Variants in DYM observed in about 807,000 individuals in gnomAD.
The protein encoded by DYM is dyggve-Melchior-Clausen syndrome protein.
Under a neutral mutation model 93.1 loss-of-function variants are expected in DYM, and 78 were observed. That is an observed-to-expected ratio of 0.84 (90% CI 0.70 to 1.01). The LOEUF (loss-of-function observed/expected upper bound fraction) is 1.01. DYM is among the 50% of genes least tolerant of loss of function. The pLI, the probability that DYM is intolerant of heterozygous loss-of-function variation, is 0.00. For missense variants in DYM, 789 were observed against 845.0 expected (o/e 0.93, Z 0.82); for synonymous variants, 321 against 319.7 (o/e 1.00, Z -0.04).
At chr18:49,272,100 T>A in intron 11 of DYM, 78 bp downstream of exon 11, 2 of 1,303,024 alleles carry the variant, frequency 1.5e-6, no homozygotes, top group South Asian at 2.5e-5. Flanking sequence ...CAGAAAGAAA[T>A]GTAAAGACTA....
At chr18:49,145,758 T>A (rs1012411170) in intron 15 of DYM, among the ~76,000 whole-genome samples, 13 of 152,220 alleles carry the variant, frequency 8.5e-5, no homozygotes, top group Non-Finnish European at 1.9e-4. Flanking sequence ...AAATTCTTAC[T>A]GATGGAGCTG....
rs986865027 is a variant in DYM at position 49,292,524 on chromosome 18, T to C, written c.764-5908A>G. Among the ~76,000 whole-genome samples the C allele has an allele frequency of 2.0e-5, 3 of 150,448 alleles. No individual in the cohort carries two copies. In the Admixed American group the frequency reaches 2.0e-4, roughly 10 times the overall value. Reference sequence around the variant, plus strand: ...GACAAAGATTCTTCCAAAAGTTCCTTTCTCTTTGCTGGTCCAAGCCTCTGA... The same window carrying C: ...GACAAAGATTCTTCCAAAAGTTCCTCTCTCTTTGCTGGTCCAAGCCTCTGA... On this transcript the variant is annotated intron_variant, in intron 8 of 17. Transcript: ENST00000675505.
intron 15 of DYM, among the ~76,000 whole-genome samples, chr18:49,161,333 A>G (rs1045325544): frequency 6.6e-6 from 1 of 152,204 alleles, no homozygotes; most frequent in Non-Finnish European, 1.5e-5. Flanking sequence ...AATATGACCT[A>G]TTTCCTCAAA....
chr18:49,303,942 G>T (rs1276593745), intron 8 of DYM, among the ~76,000 whole-genome samples: 1 of 152,166 alleles, frequency 6.6e-6, no homozygotes, highest in Non-Finnish European at 1.5e-5. Flanking sequence ...TGCAGTGCTT[G>T]TTTGTGCTGC....
intron 3 of DYM, among the ~76,000 whole-genome samples, chr18:49,382,479 G>A (rs1782877985): frequency 6.6e-6 from 1 of 152,170 alleles, no homozygotes; most frequent in East Asian, 1.9e-4. Flanking sequence ...CTCAATGGTA[G>A]AAGAAAAGAA....
At position 49,038,638 on chromosome 18, in the gene DYM, G is replaced by C. The variant is rs1016354690; in HGVS notation, c.*5417C>G. On this transcript the variant is annotated 3_prime_UTR_variant, in exon 18 of 18. Coordinates refer to ENST00000675505, the MANE Select transcript of DYM (RefSeq NM_001353214.3). ...TTGAGCATTAGTCCATTTACATTTA[G>C]TGTAATAATGGATTTATCACAAATA... Among the ~76,000 whole-genome samples, 1 of 152,144 alleles carries C rather than the reference G, an allele frequency of 6.6e-6. No homozygotes were observed. Among genetic ancestry groups the C allele is most frequent in the African/African-American group, 2.4e-5 (1 of 41,434 alleles).
intron 2 of DYM, among the ~76,000 whole-genome samples, chr18:49,392,994 C>CAAAAA (rs756183855): frequency 3.2e-5 from 2 of 61,900 alleles, no homozygotes; most frequent in African/African-American, 1.2e-4. Flanking sequence ...GACTCCATCT[C>CAAAAA]AAAAAAAAAA....
At chr18:49,122,249 T>C (rs952093221) in intron 15 of DYM, among the ~76,000 whole-genome samples, 3 of 152,210 alleles carry the variant, frequency 2.0e-5, no homozygotes, top group Non-Finnish European at 4.4e-5. Context: ...GTAAAGTTAA[T>C]AGATGCCATC....
intron 14 of DYM, chr18:49,206,558 G>A (rs1371202415): frequency 6.6e-6 from 1 of 152,402 alleles, no homozygotes; most frequent in Non-Finnish European, 1.5e-5. Flanking sequence ...CACGGCAAGA[G>A]AAGATGGCGA....
Position 49,044,039 on chromosome 18 carries a change from G to A in DYM, c.*16C>T, listed in dbSNP as rs1262721983. Reference sequence around the variant, plus strand: ...CTGCTTGGCTGGAGGGGTCCGGGTGGGAGAGCATCCTGCCCTCAGTCGGAA... The same window carrying A: ...CTGCTTGGCTGGAGGGGTCCGGGTGAGAGAGCATCCTGCCCTCAGTCGGAA... On this transcript the variant is annotated 3_prime_UTR_variant, in exon 18 of 18. Coordinates refer to ENST00000675505, the MANE Select transcript of DYM (RefSeq NM_001353214.3). 6.8e-6 allele frequency: 11 copies of A among 1,612,612 alleles called. No individual in the cohort carries two copies. The highest frequency in any genetic ancestry group is 9.3e-6 in the Non-Finnish European group (11 of 1,179,936).
At chr18:49,330,470 G>A (rs931606045) in intron 8 of DYM, among the ~76,000 whole-genome samples, 3 of 151,864 alleles carry the variant, frequency 2.0e-5, no homozygotes, top group Non-Finnish European at 2.9e-5. Flanking sequence ...TTGGCACCTG[G>A]CACACTAATG....
chr18:49,288,637 G>C (rs919857433), intron 8 of DYM, among the ~76,000 whole-genome samples: 1 of 152,006 alleles, frequency 6.6e-6, no homozygotes, highest in African/African-American at 2.4e-5. Flanking sequence ...AAATTAGCCA[G>C]GTGTGGTGGT....
chr18:49,124,659 T>A (rs2082659730), intron 15 of DYM, among the ~76,000 whole-genome samples: 1 of 152,248 alleles, frequency 6.6e-6, no homozygotes. Flanking sequence ...TCTTACATTG[T>A]TTCTGTGACA....
chr18:49,111,234 C>A (rs182074562), intron 16 of DYM, among the ~76,000 whole-genome samples: 5 of 151,706 alleles, frequency 3.3e-5, no homozygotes, highest in Admixed American at 3.3e-4. Context: ...AAAAAACATA[C>A]GTATTTCACA....
Position 49,378,578 on chromosome 18 carries a change from G to A in DYM, c.410C>T (p.Pro137Leu), listed in dbSNP as rs771381324. ...QLHFTYEEKS[P>L]GNYSSDSEDL... ...AAAACAATACTTACTGTAATTGCCA[G>A]GAGATTTTTCTTCATAAGTAAAATG... The change falls in exon 5 of 18, where the codon CCT becomes CTT. Residue 137 changes from proline to leucine, a missense_variant. Pro to Leu is a moderately conservative substitution (Grantham distance 98). This residue lies in a region of DYM where 450 missense variants were observed against 436.2 expected (regional missense o/e 1.03). Coordinates refer to ENST00000675505, the MANE Select transcript of DYM (RefSeq NM_001353214.3). 6.2e-7 allele frequency: 1 copy of A among 1,610,692 alleles called. No individual in the cohort carries two copies. Among genetic ancestry groups the A allele is most frequent in the South Asian group, 1.1e-5 (1 of 90,972 alleles).
chr18:49,410,682 G>A (rs1220939550), intron 2 of DYM, among the ~76,000 whole-genome samples: 1 of 151,562 alleles, frequency 6.6e-6, no homozygotes, highest in Non-Finnish European at 1.5e-5. Flanking sequence ...GCATGGTAGA[G>A]TGCCTGTAGT....
chr18:49,234,474 G>T (rs915502738), intron 13 of DYM, among the ~76,000 whole-genome samples: 20 of 152,048 alleles, frequency 1.3e-4, no homozygotes, highest in African/African-American at 4.8e-4. Flanking sequence ...AAGTCACCCA[G>T]TGTCTCACTT....
At chr18:49,411,078 C>A (rs1185184345) in intron 2 of DYM, among the ~76,000 whole-genome samples, 1 of 152,142 alleles carries the variant, frequency 6.6e-6, no homozygotes, top group Non-Finnish European at 1.5e-5. Context: ...AGTATCCTCA[C>A]TTTACAAGTG....
chr18:49,392,205 T>C (rs2069337583), intron 2 of DYM, among the ~76,000 whole-genome samples: 2 of 151,872 alleles, frequency 1.3e-5, no homozygotes, highest in Admixed American at 6.6e-5. Context: ...AGACTCAAGA[T>C]GACACAGAGA....
Sources: allele counts gnomAD v4.1 joint callset (sites outside exome capture counted in the v4.1 genomes callset), GRCh38; gene constraint gnomAD v4.1.1; regional missense constraint gnomAD v4.1.1; transcripts MANE v1.5; gene names NCBI Gene and HGNC (gene_info 2026-07-23, HGNC 2026-07-21).